METTL9: variants seen among roughly 807,000 people sequenced by gnomAD.
METTL9 encodes the protein methyltransferase 9, His-X-His N1(pi)-histidine, also known as protein-L-histidine N-pros-methyltransferase.
Under a neutral mutation model 36.0 loss-of-function variants are expected in METTL9, and 10 were observed. That is an observed-to-expected ratio of 0.28 (90% confidence interval 0.17 to 0.47). The LOEUF is 0.47. METTL9 is among the 20% of genes least tolerant of loss of function. The probability of loss-of-function intolerance (pLI) is 0.99; values close to 1 mark genes in which losing one functional copy is unlikely to be tolerated. For missense variants in METTL9, 246 were observed against 383.5 expected (o/e 0.64, Z 3.00); for synonymous variants, 175 against 149.7 (o/e 1.17, Z -1.23).
chr16:21,651,262 T>G (rs1427413639), intron 4 of METTL9, among the ~76,000 whole-genome samples: 1 of 151,860 alleles, frequency 6.6e-6, no homozygotes, highest in Non-Finnish European at 1.5e-5. Flanking sequence ...GGAAGAGAAC[T>G]AATTCTTGAC....
intron 2 of METTL9, among the ~76,000 whole-genome samples, chr16:21,615,693 T>A (rs1965538131): frequency 6.6e-6 from 1 of 152,204 alleles, no homozygotes; most frequent in Non-Finnish European, 1.5e-5. Flanking sequence ...AACTATTTTG[T>A]GACTTACTTT....
intron 4 of METTL9, chr16:21,639,712 C>T (rs573814599): frequency 2.6e-5 from 4 of 152,324 alleles, no homozygotes; most frequent in East Asian, 1.9e-4. Flanking sequence ...TGTGCACTCA[C>T]GTGTACACAC....
chr16:21,622,925 T>C (rs932997475), intron 3 of METTL9, among the ~76,000 whole-genome samples: 2 of 152,230 alleles, frequency 1.3e-5, no homozygotes, highest in African/African-American at 4.8e-5. Flanking sequence ...AAATCAAATA[T>C]ATAATTTGTG....
intron 4 of METTL9, chr16:21,652,731 G>T: frequency 1.6e-6 from 1 of 625,426 alleles, no homozygotes; most frequent in Non-Finnish European, 2.8e-6. Context: ...TTGAAATTGT[G>T]CAAGGATGGC....
At chr16:21,597,292 T>C (rs1176681345), upstream of METTL9, 19 of 1,288,894 alleles carry the variant, frequency 1.5e-5, no homozygotes, top group Non-Finnish European at 1.8e-5. Flanking sequence ...TACCAAGTTC[T>C]ATGAAAAGGT....
chr16:21,599,761 C>G lies in METTL9; in HGVS notation c.28C>G (p.Leu10Val), dbSNP rs752521446. MRLLAGWLCLSLASVWLARR... is the reference protein window; with the variant it reads MRLLAGWLCVSLASVWLARR... ...GAGACTGCTGGCGGGCTGGCTGTGC[C>G]TGAGCCTGGCGTCCGTGTGGCTGGC... Residue 10 changes from leucine (L) to valine (V), a missense_variant, in exon 1 of 5, where the codon CTG (leucine) becomes GTG (valine). By Grantham distance (32) the Leu-to-Val change is conservative. Around this residue, in one of 2 missense-constraint regions of METTL9, gnomAD observed 100 missense variants for 81.4 expected, o/e 1.23. Transcript: ENST00000358154. The surrounding 1 kb of genome is among the most constrained non-coding windows in gnomAD (Gnocchi z 4.4). 1.3e-5 allele frequency: 20 copies of G among 1,535,898 alleles called. No homozygotes were observed. Among genetic ancestry groups the G allele is most frequent in the South Asian group, 9.6e-5 (8 of 83,132 alleles).
intron 4 of METTL9, among the ~76,000 whole-genome samples, chr16:21,629,765 T>C (rs1965903687): frequency 6.6e-6 from 1 of 152,168 alleles, no homozygotes; most frequent in Admixed American, 6.5e-5. Context: ...TTGGGTGGCC[T>C]GCTTTTATTC....
At chr16:21,636,390 A>C (rs955698131) in intron 4 of METTL9, among the ~76,000 whole-genome samples, 2 of 152,170 alleles carry the variant, frequency 1.3e-5, no homozygotes, top group Admixed American at 6.5e-5. Flanking sequence ...TTATACTAGA[A>C]ATCATCCTCA....
At chr16:21,625,872 A>G (rs191085543) in intron 4 of METTL9, among the ~76,000 whole-genome samples, 11 of 152,286 alleles carry the variant, frequency 7.2e-5, no homozygotes, top group African/African-American at 2.4e-4. Flanking sequence ...TATGAATAAT[A>G]CAAGTTACTA....
At chr16:21,647,518 T>C (rs772492797) in intron 4 of METTL9, 49 of 1,585,740 alleles carry the variant, frequency 3.1e-5, no homozygotes, top group Non-Finnish European at 4.1e-5. Context: ...GATGAGTGGG[T>C]TAATGGGCCT....
intron 4 of METTL9, chr16:21,647,014 C>CT: frequency 7.6e-7 from 1 of 1,323,936 alleles, no homozygotes; most frequent in African/African-American, 1.4e-5. Flanking sequence ...ACACCCATCA[C>CT]TGGCTAGGGT....
rs1022210496 is a variant in METTL9, at chr16:21,628,881, T to C, written c.751+3766T>C. On this transcript the variant is annotated intron_variant, in intron 4 of 4. Coordinates refer to ENST00000358154, the MANE Select transcript of METTL9 (RefSeq NM_016025.5). ...TTACTTGAAGTTGCTGTTGTTTGGC[T>C]TGAGATGTTTCTTTTTTTTTTTTTT... is the stretch of plus-strand genomic sequence containing the variant. Among the ~76,000 whole-genome samples, 3 of 150,414 alleles carry C rather than the reference T, an allele frequency of 2.0e-5. No individual in the cohort carries two copies. The South Asian group carries it at 6.4e-4, about 32-fold the overall frequency.
At chr16:21,629,675 G>A (rs931370484) in intron 4 of METTL9, among the ~76,000 whole-genome samples, 1 of 152,200 alleles carries the variant, frequency 6.6e-6, no homozygotes, top group Admixed American at 6.5e-5. Flanking sequence ...AGCGTGAGCA[G>A]CAGTAAGATT....
chr16:21,598,650 A>G (rs1965009084), upstream of METTL9, among the ~76,000 whole-genome samples: 1 of 152,168 alleles, frequency 6.6e-6, no homozygotes, highest in Admixed American at 6.5e-5. Flanking sequence ...ACACAGTGTA[A>G]CTAACCCTTC....
chr16:21,597,273 G>C (rs766156398), upstream of METTL9: 1 of 1,288,948 alleles, frequency 7.8e-7, no homozygotes, highest in Non-Finnish European at 1.0e-6. Flanking sequence ...GAAAGACCAC[G>C]AGCTGGGATA....
intron 1 of METTL9, among the ~76,000 whole-genome samples, chr16:21,603,821 T>A (rs1213778480): frequency 6.6e-6 from 1 of 152,192 alleles, no homozygotes; most frequent in Non-Finnish European, 1.5e-5. Context: ...TAACATTCAA[T>A]ATCTGGAATT....
intron 1 of METTL9, among the ~76,000 whole-genome samples, chr16:21,608,876 T>C (rs1597742693): frequency 6.6e-6 from 1 of 152,346 alleles, no homozygotes; most frequent in East Asian, 1.9e-4. Context: ...CTGCTTTCTT[T>C]TCTTTAGCAG....
intron 1 of METTL9, among the ~76,000 whole-genome samples, chr16:21,605,778 G>T (rs1965269918): frequency 1.3e-5 from 2 of 152,058 alleles, no homozygotes; most frequent in Non-Finnish European, 2.9e-5. Context: ...CCTGACATCA[G>T]CCATTCTCTA....
intron 3 of METTL9, among the ~76,000 whole-genome samples, chr16:21,622,264 C>G (rs968507200): frequency 6.6e-6 from 1 of 150,632 alleles, no homozygotes; most frequent in Non-Finnish European, 1.5e-5. Flanking sequence ...CCTGCCTCAG[C>G]TGCCCAAGTA....
Sources: allele counts gnomAD v4.1 joint callset (sites outside exome capture counted in the v4.1 genomes callset), GRCh38; gene constraint gnomAD v4.1.1; regional missense constraint gnomAD v4.1.1; non-coding constraint Gnocchi (gnomAD v3.1); transcripts MANE v1.5; gene names NCBI Gene and HGNC (gene_info 2026-07-23, HGNC 2026-07-21).